The following GALNT18 variants were observed in gnomAD, a reference collection of about 807,000 sequenced individuals.
GALNT18 encodes polypeptide N-acetylgalactosaminyltransferase 18.
A neutral mutation model predicts 69.5 loss-of-function variants in GALNT18; 44 were observed. The observed-to-expected ratio is 0.63, with a 90% CI of 0.50 to 0.81. The LOEUF is 0.81. Among genes scored for constraint, GALNT18 ranks in the 40% least tolerant of loss-of-function variants. The pLI is 0.00. For synonymous variants in GALNT18, 364 were observed against 318.2 expected (o/e 1.14, Z -1.53); for missense variants, 715 against 810.0 (o/e 0.88, Z 1.42).
chr11:11,338,070 T>C lies in GALNT18; in HGVS notation c.1278+2749A>G, dbSNP rs1246506715. Among the ~76,000 whole-genome samples, 2 of 149,202 alleles carry C rather than the reference T, an allele frequency of 1.3e-5. No individual in the cohort carries two copies. The highest frequency in any genetic ancestry group is 1.5e-5 in the Non-Finnish European group (1 of 67,774). ...GGGACCTCCGCCTCCCAGGTTAAAA[T>C]GATTCTCTTGCCTCAGCCTCCTGAG... On this transcript the variant is annotated intron_variant, in intron 7 of 10. Coordinates refer to ENST00000227756, the MANE Select transcript of GALNT18 (RefSeq NM_198516.3). This position sits in a 1 kb window ranked among gnomAD's most constrained non-coding sequence, Gnocchi z 5.3.
intron 3 of GALNT18, among the ~76,000 whole-genome samples, chr11:11,385,421 C>G (rs1564922412): frequency 4.6e-5 from 7 of 151,986 alleles, no homozygotes; most frequent in Admixed American, 2.6e-4. Flanking sequence ...TCAGCCTCCC[C>G]AGCAGCTGGG....
intron 9 of GALNT18, among the ~76,000 whole-genome samples, chr11:11,295,031 CTTGCTT>C (rs1452265483): frequency 6.6e-6 from 1 of 152,188 alleles, no homozygotes; most frequent in African/African-American, 2.4e-5. Context: ...TTATGTATTT[CTTGCTT>C]TAGCAAAAGA....
chr11:11,529,636 TATACACAC>T (rs776452893), intron 1 of GALNT18, among the ~76,000 whole-genome samples: 1 of 141,264 alleles, frequency 7.1e-6, no homozygotes, highest in East Asian at 2.0e-4. Context: ...TATATATATA[TATACACAC>T]ACACACACAC....
intron 9 of GALNT18, among the ~76,000 whole-genome samples, chr11:11,322,308 C>T (rs1002590544): frequency 2.0e-5 from 3 of 152,220 alleles, no homozygotes; most frequent in Admixed American, 2.0e-4. Context: ...GTAAGTATAA[C>T]AGATACTGTC....
At chr11:11,369,606 A>G (rs1000092994) in intron 6 of GALNT18, among the ~76,000 whole-genome samples, 1 of 152,134 alleles carries the variant, frequency 6.6e-6, no homozygotes, top group East Asian at 1.9e-4. Context: ...GGGGCACTCA[A>G]TTCAAACCAT....
Position 11,613,008 on chromosome 11 carries a change from G to A in GALNT18, c.235+8351C>T, listed in dbSNP as rs1165231396. ...GTTTATGGTGGCTGGACACTCAGGG[G>A]TTTCCACTAGCATCATTAAGGACAG... On this transcript the variant is annotated intron_variant, in intron 1 of 10. Transcript: ENST00000227756. This position sits in a 1 kb window ranked among gnomAD's most constrained non-coding sequence, Gnocchi z 4.2. 6.6e-6 allele frequency among the ~76,000 whole-genome samples: 1 copy of A among 152,168 alleles called. No individual in the cohort carries two copies. Among genetic ancestry groups the A allele is most frequent in the African/African-American group, 2.4e-5 (1 of 41,420 alleles).
At chr11:11,453,766 T>C (rs1215429650) in intron 1 of GALNT18, among the ~76,000 whole-genome samples, 4 of 152,184 alleles carry the variant, frequency 2.6e-5, no homozygotes, top group African/African-American at 9.7e-5. Context: ...AAGGTGTGCT[T>C]TTGCTCCTCT....
intron 3 of GALNT18, among the ~76,000 whole-genome samples, chr11:11,423,008 C>A (rs184850389): frequency 6.6e-6 from 1 of 152,348 alleles, no homozygotes; most frequent in East Asian, 1.9e-4. Context: ...CACACAAGCA[C>A]ACACAAGCCC....
Position 11,480,898 on chromosome 11 carries a change from G to C in GALNT18, c.236-31962C>G, listed in dbSNP as rs1048929003. On this transcript the variant is annotated intron_variant, in intron 1 of 10. Coordinates refer to ENST00000227756, the MANE Select transcript of GALNT18 (RefSeq NM_198516.3). This position sits in a 1 kb window ranked among gnomAD's most constrained non-coding sequence, Gnocchi z 4.6. ...CTCAGGACTTCTCAGGCCTTTCTTG[G>C]GAACCTCCAAGAGTGAAATGTACCT... Among the ~76,000 whole-genome samples, 3 of 152,150 alleles carry C rather than the reference G, an allele frequency of 2.0e-5. No homozygotes were observed. Among genetic ancestry groups the C allele is most frequent in the African/African-American group, 4.8e-5 (2 of 41,422 alleles).
In GALNT18 at chr11:11,408,428, T is replaced by A. The variant is rs188026249; in HGVS notation, c.595+24193A>T. Among the ~76,000 whole-genome samples the A allele has an allele frequency of 2.8e-3, 405 of 145,862 alleles. 5 individuals carry two copies. The highest frequency in any genetic ancestry group is 2.1e-3 in the South Asian group (9 of 4,390). Reference sequence around the variant, plus strand: ...CATGTGGCCTAGGGGAATGTTCCTCTCAATGAACAGATCAGAGAGCACCCA... The same window carrying A: ...CATGTGGCCTAGGGGAATGTTCCTCACAATGAACAGATCAGAGAGCACCCA... On this transcript the variant is annotated intron_variant, in intron 3 of 10. Coordinates refer to ENST00000227756, the MANE Select transcript of GALNT18 (RefSeq NM_198516.3).
At chr11:11,294,951 G>A (rs1849370017) in intron 9 of GALNT18, among the ~76,000 whole-genome samples, 1 of 152,194 alleles carries the variant, frequency 6.6e-6, no homozygotes, top group Admixed American at 6.5e-5. Context: ...TATTCAGGGT[G>A]TTCTCTCTGG....
intron 2 of GALNT18, among the ~76,000 whole-genome samples, chr11:11,437,372 T>A (rs1468039338): frequency 6.6e-6 from 1 of 152,166 alleles, no homozygotes; most frequent in Non-Finnish European, 1.5e-5. Context: ...GATATGGTTG[T>A]CTAATAAGCC....
chr11:11,349,625 A>T (rs1850363320), intron 6 of GALNT18, among the ~76,000 whole-genome samples: 1 of 152,160 alleles, frequency 6.6e-6, no homozygotes, highest in Non-Finnish European at 1.5e-5. Context: ...TGTCCTCACC[A>T]AGACACTAAA....
At position 11,372,425 on chromosome 11, in the gene GALNT18, C is replaced by T; in HGVS notation, c.1092+90G>A. 1 of 966,078 alleles carries T rather than the reference C, an allele frequency of 1.0e-6. No homozygotes were observed. Among genetic ancestry groups the T allele is most frequent in the Non-Finnish European group, 1.6e-6 (1 of 607,164 alleles). 59.8% of individuals were successfully genotyped at this position (966,078 alleles called of 1,614,324 possible). A position where few individuals can be genotyped will look rare whatever the true frequency, so the allele number is the denominator to read the frequency against. On this transcript the variant is annotated intron_variant, in intron 6 of 10. Coordinates refer to ENST00000227756, the MANE Select transcript of GALNT18 (RefSeq NM_198516.3). The surrounding 1 kb of genome is among the most constrained non-coding windows in gnomAD (Gnocchi z 4.9). ...TGGACATTCAGAATCAGTCTGTGAC[C>T]CTCAACCTTAAACCCCATTTCTCCA... is the stretch of plus-strand genomic sequence containing the variant.
intron 1 of GALNT18, among the ~76,000 whole-genome samples, chr11:11,560,859 G>T (rs966074221): frequency 6.6e-6 from 1 of 152,164 alleles, no homozygotes; most frequent in African/African-American, 2.4e-5. Flanking sequence ...CCTCTTTCTG[G>T]GAGAAAGGTG....
rs1481043209 is a variant in GALNT18 at position 11,356,079 on chromosome 11, G to A, written c.1093-15075C>T. Among the ~76,000 whole-genome samples, 5 of 152,150 alleles carry A rather than the reference G, an allele frequency of 3.3e-5. No homozygotes were observed. Among genetic ancestry groups the A allele is most frequent in the Non-Finnish European group, 7.4e-5 (5 of 68,016 alleles). ...CTGGATACCAGCACCTACAGCACTA[G>A]AAAAAAATGTGCTCACAGGTACCCT... On this transcript the variant is annotated intron_variant, in intron 6 of 10. Coordinates refer to ENST00000227756, the MANE Select transcript of GALNT18 (RefSeq NM_198516.3). This position sits in a 1 kb window ranked among gnomAD's most constrained non-coding sequence, Gnocchi z 4.4.
chr11:11,476,084 G>A (rs1170398679), intron 1 of GALNT18: 2 of 152,148 alleles, frequency 1.3e-5, no homozygotes, highest in African/African-American at 2.4e-5. Context: ...CTTCCCTTCT[G>A]GTCCCCTGAA....
rs751698775 is a variant in GALNT18 at position 11,337,872 on chromosome 11, A to G, written c.1278+2947T>C. On this transcript the variant is annotated intron_variant, in intron 7 of 10. Transcript: ENST00000227756. This position sits in a 1 kb window ranked among gnomAD's most constrained non-coding sequence, Gnocchi z 4.9. ...AATACAGGCAGTGGGGTTAAAATAC[A>G]GGCAGAGGAGAAAGCATGGGAACTT... 1.3e-5 allele frequency among the ~76,000 whole-genome samples: 2 copies of G among 152,130 alleles called. No homozygotes were observed. The highest frequency in any genetic ancestry group is 1.5e-5 in the Non-Finnish European group (1 of 68,028).
rs1356462820 is a variant in GALNT18 at position 11,616,554 on chromosome 11, CAATAAT to C, written c.235+4799_235+4804del. 6.6e-6 allele frequency among the ~76,000 whole-genome samples: 1 copy of C among 152,188 alleles called. No homozygotes were observed. The highest frequency in any genetic ancestry group is 2.4e-5 in the African/African-American group (1 of 41,438). ...TCCAATAATAGGAAAGTGGTTGAAT[CAATAAT>C]AGTATACTGATGACAGAATACTATG... On this transcript the variant is annotated intron_variant, in intron 1 of 10. Coordinates refer to ENST00000227756, the MANE Select transcript of GALNT18 (RefSeq NM_198516.3). This position sits in a 1 kb window ranked among gnomAD's most constrained non-coding sequence, Gnocchi z 4.4.
Sources: gnomAD v4.1 joint callset for allele counts (sites outside exome capture counted in the v4.1 genomes callset) on GRCh38, gnomAD v4.1.1 for gene constraint, Gnocchi (gnomAD v3.1) non-coding constraint, MANE v1.5 for transcripts, NCBI Gene and HGNC (gene_info 2026-07-23, HGNC 2026-07-21) for gene names.